The following TMEM117 variants were observed in gnomAD, a reference collection of about 807,000 sequenced individuals.
TMEM117 encodes transmembrane protein 117.
TMEM117 carries 27 observed loss-of-function variants against 52.4 expected under a neutral mutation model. The observed-to-expected ratio is 0.51, with a 90% CI of 0.38 to 0.71. The LOEUF is 0.71. Ranked by LOEUF, TMEM117 falls within the 30% of genes least tolerant of loss-of-function variation. TMEM117 has a pLI of 0.00. For synonymous variants in TMEM117, 215 were observed against 206.3 expected, an observed-to-expected ratio of 1.04 and a Z score of -0.36; for missense variants, 556 against 630.5, an observed-to-expected ratio of 0.88 and a Z score of 1.26.
intron 4 of TMEM117, among the ~76,000 whole-genome samples, chr12:44,204,152 GACAA>G (rs1949533420): frequency 6.6e-6 from 1 of 152,122 alleles, no homozygotes; most frequent in Non-Finnish European, 1.5e-5. Context: ...TCTCTTCTCA[GACAA>G]TATGATTCTA....
chr12:43,855,839 C>T (rs1344078335), intron 2 of TMEM117, among the ~76,000 whole-genome samples: 1 of 152,096 alleles, frequency 6.6e-6, no homozygotes, highest in East Asian at 1.9e-4. Context: ...TTGAACTGCA[C>T]ATATGATTTT....
At chr12:44,145,743 G>A (rs1020748160) in intron 4 of TMEM117, among the ~76,000 whole-genome samples, 4 of 152,082 alleles carry the variant, frequency 2.6e-5, no homozygotes, top group Admixed American at 6.5e-5. Context: ...TATTTCAATC[G>A]CCAATGATGC....
At chr12:44,078,392 T>C (rs1271873363) in intron 3 of TMEM117, among the ~76,000 whole-genome samples, 1 of 152,220 alleles carries the variant, frequency 6.6e-6, no homozygotes, top group East Asian at 1.9e-4. Context: ...CACAGCTCTT[T>C]AACGTTCTAG....
chr12:44,184,942 C>T (rs571740414), intron 4 of TMEM117, among the ~76,000 whole-genome samples: 6 of 152,232 alleles, frequency 3.9e-5, no homozygotes, highest in East Asian at 3.9e-4. Context: ...TTTGCTTGTA[C>T]GCCTCCCTCT....
intron 3 of TMEM117, among the ~76,000 whole-genome samples, chr12:44,118,890 T>G (rs970104724): frequency 6.6e-5 from 10 of 152,244 alleles, no homozygotes; most frequent in African/African-American, 2.2e-4. Flanking sequence ...TCTTGCATTT[T>G]ACTTTCCAGT....
chr12:44,118,823 A>C (rs1948188122), intron 3 of TMEM117, among the ~76,000 whole-genome samples: 1 of 152,212 alleles, frequency 6.6e-6, no homozygotes, highest in African/African-American at 2.4e-5. Context: ...AATTAATGAA[A>C]TCCTGTTACC....
chr12:44,059,676 A>G (rs1017186427), intron 3 of TMEM117, among the ~76,000 whole-genome samples: 1 of 152,258 alleles, frequency 6.6e-6, no homozygotes, highest in Non-Finnish European at 1.5e-5. Context: ...TAGTGTATAC[A>G]GCAACATTCT....
Position 44,024,076 on chromosome 12 carries a change from AAC to A in TMEM117, c.410+79736_410+79737del, listed in dbSNP as rs1388831437. ...GACAGGAAGCCCTTTTCAGAAGACT[AAC>A]ATGGTAACGTGAGATCAGAAAAGAC... On this transcript the variant is annotated intron_variant, in intron 3 of 7. Coordinates refer to ENST00000266534, the MANE Select transcript of TMEM117 (RefSeq NM_032256.3). Among the ~76,000 whole-genome samples the A allele has an allele frequency of 2.0e-5, 3 of 152,200 alleles. No individual in the cohort carries two copies. The East Asian group carries it at 5.8e-4, about 29-fold the overall frequency.
chr12:44,085,032 T>G (rs1014871552), intron 3 of TMEM117, among the ~76,000 whole-genome samples: 16 of 152,216 alleles, frequency 1.1e-4, no homozygotes, highest in African/African-American at 3.9e-4. Context: ...TAGGAAGTTT[T>G]CATTAAATGT....
At chr12:44,342,860 A>G (rs1951435495) in intron 6 of TMEM117, among the ~76,000 whole-genome samples, 2 of 151,932 alleles carry the variant, frequency 1.3e-5, no homozygotes, top group South Asian at 4.2e-4. Flanking sequence ...GAAAAAGAGA[A>G]TGGTTTGTTT....
At chr12:43,807,201 G>GACACAT in the TMEM117 span, among the ~76,000 whole-genome samples, 15 of 151,672 alleles carry the variant, frequency 9.9e-5, no homozygotes. Context: ...GCCTTGAAGT[G>GACACAT]ACACATACAC....
At chr12:44,132,376 G>A (rs1948428545) in intron 3 of TMEM117, among the ~76,000 whole-genome samples, 1 of 151,922 alleles carries the variant, frequency 6.6e-6, no homozygotes, top group African/African-American at 2.4e-5. Flanking sequence ...AAGTTAGGTG[G>A]GGTGAAAGTC....
chr12:44,180,923 G>A (rs1475375921), intron 4 of TMEM117, among the ~76,000 whole-genome samples: 5 of 151,796 alleles, frequency 3.3e-5, no homozygotes, highest in South Asian at 2.1e-4. Flanking sequence ...CTGAGGAATC[G>A]CCACACTGAC....
At chr12:44,255,569 G>A (rs1950250716) in intron 5 of TMEM117, among the ~76,000 whole-genome samples, 1 of 152,112 alleles carries the variant, frequency 6.6e-6, no homozygotes, top group Non-Finnish European at 1.5e-5. Context: ...TAGCATGTTT[G>A]AATGATAGTG....
intron 6 of TMEM117, among the ~76,000 whole-genome samples, chr12:44,353,472 T>A (rs1269508711): frequency 2.0e-5 from 3 of 151,812 alleles, no homozygotes; most frequent in Non-Finnish European, 4.4e-5. Context: ...TTAATTTTTG[T>A]ATAAGGTGTA....
At chr12:44,017,326 CTTTTT>C (rs79007657) in intron 3 of TMEM117, among the ~76,000 whole-genome samples, 6 of 97,110 alleles carry the variant, frequency 6.2e-5, no homozygotes, top group Non-Finnish European at 1.1e-4. Flanking sequence ...TCTTTCTTTC[CTTTTT>C]TTTTTTTTTT....
chr12:44,371,915 AT>A (rs1302371368), intron 6 of TMEM117, among the ~76,000 whole-genome samples: 1 of 152,230 alleles, frequency 6.6e-6, no homozygotes, highest in Non-Finnish European at 1.5e-5. Context: ...GATTAGATAT[AT>A]GTCATGACAC....
At chr12:44,375,300 G>T (rs890371396) in intron 6 of TMEM117, among the ~76,000 whole-genome samples, 1 of 152,198 alleles carries the variant, frequency 6.6e-6, no homozygotes. Context: ...ACAAGTGGAG[G>T]TGAGACCAAC....
At chr12:43,836,365 C>G (rs1383485044) in intron 1 of TMEM117, among the ~76,000 whole-genome samples, 169 bp downstream of exon 1, 2 of 152,224 alleles carry the variant, frequency 1.3e-5, no homozygotes, top group Admixed American at 6.5e-5. Flanking sequence ...TCCGGCGCCT[C>G]TGCTCCTGCC....
Sources: gnomAD v4.1 joint callset for allele counts (sites outside exome capture counted in the v4.1 genomes callset) on GRCh38, gnomAD v4.1.1 for gene constraint, MANE v1.5 for transcripts, NCBI Gene and HGNC (gene_info 2026-07-23, HGNC 2026-07-21) for gene names.